The following ZBTB46 variants were observed in gnomAD, a reference collection of about 807,000 sequenced individuals.
ZBTB46 encodes the protein zinc finger and BTB domain containing 46.
A neutral mutation model predicts 44.1 loss-of-function variants in ZBTB46; 8 were observed. The ratio of observed to expected loss-of-function variants is 0.18; its 90% CI spans 0.11 to 0.33. The LOEUF is 0.33. ZBTB46 is among the 10% of genes least tolerant of loss of function. The pLI is 1.00. For missense variants in ZBTB46, 651 were observed against 847.7 expected (o/e 0.77, Z 2.88); for synonymous variants, 409 against 382.3 (o/e 1.07, Z -0.81).
upstream of ZBTB46, chr20:63,831,378 C>G (rs2092851216): frequency 7.0e-6 from 1 of 142,440 alleles, no homozygotes; most frequent in African/African-American, 2.5e-5. Flanking sequence ...TTGGCCCGCG[C>G]CGCGCCCCGG....
At chr20:63,779,035 TG>T (rs1421616841) in intron 2 of ZBTB46, among the ~76,000 whole-genome samples, 1 of 151,508 alleles carries the variant, frequency 6.6e-6, no homozygotes, top group Non-Finnish European at 1.5e-5. Flanking sequence ...GGGAGCAGAG[TG>T]GGTGGTGGGT....
intron 3 of ZBTB46, chr20:63,768,047 G>A (rs576708470): frequency 2.0e-6 from 2 of 985,472 alleles, no homozygotes; most frequent in East Asian, 2.3e-4. Context: ...GACTTCTAGT[G>A]TGGACACTCT....
chr20:63,778,535 C>T (rs6122172), intron 2 of ZBTB46, among the ~76,000 whole-genome samples: 82,870 of 152,046 alleles, frequency 0.55, 22,768 homozygotes, highest in South Asian at 0.62. Context: ...AACATGCACA[C>T]GTGAGGCCCA....
intron 2 of ZBTB46, among the ~76,000 whole-genome samples, chr20:63,777,016 C>T (rs938494524): frequency 2.7e-5 from 4 of 149,022 alleles, no homozygotes; most frequent in South Asian, 2.1e-4. Context: ...TTCCAGCACA[C>T]GCCACGGTTC....
chr20:63,750,620 C>T (rs938050852), intron 4 of ZBTB46, among the ~76,000 whole-genome samples: 18 of 152,152 alleles, frequency 1.2e-4, no homozygotes, highest in Admixed American at 1.2e-3. Flanking sequence ...AAATCCCAGC[C>T]CTGGTCGGAC....
chr20:63,790,943 G>T, intron 1 of ZBTB46, 153 bp from the exon 2 acceptor site: 1 of 1,124,298 alleles, frequency 8.9e-7, no homozygotes, highest in Non-Finnish European at 1.2e-6. Context: ...GCAGCGGGAG[G>T]CCTGTGTCTC....
intron 3 of ZBTB46, among the ~76,000 whole-genome samples, chr20:63,758,080 C>CA (rs1474628099): frequency 1.9e-5 from 1 of 53,966 alleles, no homozygotes; most frequent in East Asian, 3.5e-4. Flanking sequence ...CCCGCCCATC[C>CA]AGAGCTCACA....
At chr20:63,800,528 G>A (rs373487379) in intron 1 of ZBTB46, among the ~76,000 whole-genome samples, 11 of 152,260 alleles carry the variant, frequency 7.2e-5, no homozygotes, top group African/African-American at 2.7e-4. Flanking sequence ...GCCAAGGCCG[G>A]AGCCGGCTCC....
chr20:63,775,502 C>G lies in ZBTB46; in HGVS notation c.1222+176G>C, dbSNP rs997058979. The G allele has an allele frequency of 8.8e-6, 7 of 796,934 alleles. No individual in the cohort carries two copies. In the African/African-American group the frequency reaches 1.2e-4, roughly 14 times the overall value. 49.4% of individuals were successfully genotyped at this position (796,934 alleles called of 1,614,324 possible). On this transcript the variant is annotated intron_variant, in intron 3 of 4. Coordinates refer to ENST00000245663, the MANE Select transcript of ZBTB46 (RefSeq NM_001369741.1). ...ACTCTAAAGCCAGCCCCCCGTGCAC[C>G]TGAGAGGCCAGTCCAGGCTGTGACG...
Position 63,744,333 on chromosome 20 carries a change from C to T in ZBTB46, c.*2597G>A, listed in dbSNP as rs1344385550. 2 of 152,188 alleles carry T rather than the reference C, an allele frequency of 1.3e-5. No individual in the cohort carries two copies. The highest frequency in any genetic ancestry group is 4.8e-5 in the African/African-American group (2 of 41,422). 9.4% of individuals were successfully genotyped at this position (152,188 alleles called of 1,614,324 possible). A position where few individuals can be genotyped will look rare whatever the true frequency, so the allele number is the denominator to read the frequency against. The stretch of plus-strand genomic sequence containing the variant: ...TGGCAGTGTCCTGTGTCCCAAAGCT[C>T]AGAGAGCCCCAGTGTACAACCTGGT... On this transcript the variant is annotated 3_prime_UTR_variant, in exon 5 of 5. Transcript: ENST00000245663.
chr20:63,754,748 C>T (rs1333403200), intron 3 of ZBTB46, among the ~76,000 whole-genome samples: 3 of 151,986 alleles, frequency 2.0e-5, no homozygotes, highest in Non-Finnish European at 2.9e-5. Context: ...TACAGGCGCC[C>T]GCCACCACAC....
At chr20:63,757,600 A>C (rs1352187403) in intron 3 of ZBTB46, among the ~76,000 whole-genome samples, 1 of 152,104 alleles carries the variant, frequency 6.6e-6, no homozygotes, top group African/African-American at 2.4e-5. Flanking sequence ...AGAAGCCTTG[A>C]TGTCTGCATC....
chr20:63,797,439 C>T (rs574735742), intron 1 of ZBTB46, among the ~76,000 whole-genome samples: 41 of 152,204 alleles, frequency 2.7e-4, no homozygotes, highest in African/African-American at 8.9e-4. Flanking sequence ...TCTTTACTAT[C>T]GTGAATAGTG....
chr20:63,814,890 T>A (rs565396157), intron 1 of ZBTB46: 20 of 152,686 alleles, frequency 1.3e-4, no homozygotes, highest in African/African-American at 4.8e-4. Flanking sequence ...TTTCCAGGGA[T>A]CTTACTGGAT....
intron 1 of ZBTB46, among the ~76,000 whole-genome samples, chr20:63,809,511 ACTCCGGGAGACAGCAGGAGCTCCGCGAC>A (rs758926608): frequency 2.0e-4 from 30 of 151,846 alleles, no homozygotes; most frequent in Non-Finnish European, 3.5e-4. Flanking sequence ...GGTGGAGAGG[ACTCCGGGAGACAGCAGGAGCTCCGCGAC>A]CTCCCTTCCT....
At chr20:63,816,694 C>T (rs1190397807) in intron 1 of ZBTB46, among the ~76,000 whole-genome samples, 2 of 152,142 alleles carry the variant, frequency 1.3e-5, no homozygotes, top group African/African-American at 4.8e-5. Flanking sequence ...AAGTCCTAAA[C>T]CTGCAAACGT....
chr20:63,814,157 C>A (rs1218113375), intron 1 of ZBTB46, among the ~76,000 whole-genome samples: 1 of 149,446 alleles, frequency 6.7e-6, no homozygotes, highest in South Asian at 2.1e-4. Flanking sequence ...GGCATGAACC[C>A]GGGAGGCAGA....
At chr20:63,781,140 C>CAAAA (rs58102231) in intron 2 of ZBTB46, among the ~76,000 whole-genome samples, 187 of 83,810 alleles carry the variant, frequency 2.2e-3, no homozygotes, top group African/African-American at 3.0e-3. Flanking sequence ...GACTCTGCCT[C>CAAAA]AAAAAAAAAA....
intron 1 of ZBTB46, chr20:63,816,336 C>T (rs1253969057): frequency 8.9e-5 from 17 of 191,610 alleles, no homozygotes; most frequent in South Asian, 7.6e-4. Flanking sequence ...CCACCCACCC[C>T]GTGTCTCTCC....
Sources: allele counts gnomAD v4.1 joint callset (sites outside exome capture counted in the v4.1 genomes callset), GRCh38; gene constraint gnomAD v4.1.1; transcripts MANE v1.5; gene names NCBI Gene and HGNC (gene_info 2026-07-23, HGNC 2026-07-21).